The following FRMD4B variants were observed in gnomAD, a reference collection of about 807,000 sequenced individuals.
FRMD4B encodes the protein FERM domain containing 4B.
FRMD4B carries 74 observed loss-of-function variants against 141.5 expected under a neutral mutation model. The ratio of observed to expected loss-of-function variants is 0.52; its 90% CI spans 0.43 to 0.63. The LOEUF (loss-of-function observed/expected upper bound fraction) is 0.63. Ranked by LOEUF, FRMD4B falls within the 30% of genes least tolerant of loss-of-function variation. FRMD4B has a pLI of 0.00. For missense variants in FRMD4B, 1,366 were observed against 1,253.4 expected, an observed-to-expected ratio of 1.09 and a Z score of -1.36; for synonymous variants, 506 against 467.9, an observed-to-expected ratio of 1.08 and a Z score of -1.05.
At chr3:69,388,100 C>T (rs188218281), upstream of FRMD4B, among the ~76,000 whole-genome samples, 459 of 151,008 alleles carry the variant, frequency 3.0e-3, 4 homozygotes, top group Middle Eastern at 6.8e-3. Context: ...TTTTTTTAAA[C>T]GATGCAGTTC....
At chr3:69,487,407 T>C (rs769341072) in intron 1 of FRMD4B, among the ~76,000 whole-genome samples, 2 of 152,204 alleles carry the variant, frequency 1.3e-5, no homozygotes, top group African/African-American at 2.4e-5. Context: ...TTTTATTTCA[T>C]AGGCAAGGAA....
At chr3:69,536,160 C>T (rs755446631) in intron 1 of FRMD4B, 11 of 527,616 alleles carry the variant, frequency 2.1e-5, no homozygotes, top group Non-Finnish European at 3.2e-5. Context: ...TGCACCTCTG[C>T]TGGCCTCTTC....
intron 5 of FRMD4B, among the ~76,000 whole-genome samples, chr3:69,283,300 C>T (rs1226270452): frequency 6.6e-6 from 1 of 151,908 alleles, no homozygotes; most frequent in Non-Finnish European, 1.5e-5. Context: ...CAGAGAATCG[C>T]TTGAGCCCAG....
chr3:69,223,944 A>G lies in FRMD4B; in HGVS notation c.665+663T>C, dbSNP rs73838303. On this transcript the variant is annotated intron_variant, in intron 8 of 22. Transcript: ENST00000398540. ...TTACTTTCACTATATATTTGGGAAT[A>G]TACTTCCAACTTCATACTAAATGTC... 1.9e-3 allele frequency among the ~76,000 whole-genome samples: 297 copies of G among 152,364 alleles called. 2 individuals are homozygous for G. The highest frequency in any genetic ancestry group is 6.8e-3 in the African/African-American group (284 of 41,594).
chr3:69,184,758 A>G (rs1313390359), intron 19 of FRMD4B, among the ~76,000 whole-genome samples: 1 of 152,248 alleles, frequency 6.6e-6, no homozygotes, highest in Admixed American at 6.5e-5. Flanking sequence ...ACTTTCTGCA[A>G]TGACAAAAAT....
At chr3:69,176,986 TTAA>T (rs1219955535) in intron 21 of FRMD4B, among the ~76,000 whole-genome samples, 2 of 152,126 alleles carry the variant, frequency 1.3e-5, no homozygotes, top group Non-Finnish European at 2.9e-5. Flanking sequence ...TAAATAACTA[TTAA>T]TATTATTATT....
chr3:69,189,349 T>G (rs1320532586), intron 18 of FRMD4B, among the ~76,000 whole-genome samples: 1 of 151,980 alleles, frequency 6.6e-6, no homozygotes, highest in Non-Finnish European at 1.5e-5. Flanking sequence ...AATGTCTAAC[T>G]GTGCCTTTCT....
At chr3:69,463,284 A>C (rs1248856963) in intron 1 of FRMD4B, among the ~76,000 whole-genome samples, 2 of 152,198 alleles carry the variant, frequency 1.3e-5, no homozygotes, top group Non-Finnish European at 2.9e-5. Flanking sequence ...CAATCGTAGA[A>C]TCTAACACAT....
intron 5 of FRMD4B, among the ~76,000 whole-genome samples, chr3:69,259,805 T>C (rs544324340): frequency 6.6e-6 from 1 of 152,306 alleles, no homozygotes; most frequent in Admixed American, 6.5e-5. Context: ...AAATCACTTT[T>C]TAAAATTTGT....
intron 4 of FRMD4B, among the ~76,000 whole-genome samples, chr3:69,299,326 G>A (rs561651798): frequency 6.6e-6 from 1 of 152,278 alleles, no homozygotes; most frequent in Non-Finnish European, 1.5e-5. Flanking sequence ...CTGTTTTACA[G>A]AAGGACACTC....
At chr3:69,465,092 A>G (rs1705761763) in intron 1 of FRMD4B, among the ~76,000 whole-genome samples, 1 of 152,110 alleles carries the variant, frequency 6.6e-6, no homozygotes, top group Non-Finnish European at 1.5e-5. Flanking sequence ...AGGCCAAGGC[A>G]GGCAGATCAT....
intron 11 of FRMD4B, among the ~76,000 whole-genome samples, chr3:69,212,580 C>T (rs1016903017): frequency 6.6e-6 from 1 of 151,980 alleles, no homozygotes; most frequent in Non-Finnish European, 1.5e-5. Flanking sequence ...GAAGTATTTG[C>T]CAATTTCTAT....
In FRMD4B at chr3:69,454,909, G is replaced by A. The variant is rs368483917; in HGVS notation, c.-128-22148C>T. Among the ~76,000 whole-genome samples, 5 of 152,378 alleles carry A rather than the reference G, an allele frequency of 3.3e-5. No individual in the cohort carries two copies. The East Asian group carries it at 9.6e-4, about 29-fold the overall frequency. Reference sequence around the variant, plus strand: ...GGACTCCTAAATCGGGTGGGGACTTGGAGAACTTTCATGTCTAGCCGGAGG... The same window carrying A: ...GGACTCCTAAATCGGGTGGGGACTTAGAGAACTTTCATGTCTAGCCGGAGG... On this transcript the variant is annotated intron_variant, in intron 1 of 5. Transcript: ENST00000459638.
intron 5 of FRMD4B, among the ~76,000 whole-genome samples, chr3:69,282,741 G>A (rs1007641995): frequency 1.3e-5 from 2 of 152,024 alleles, no homozygotes; most frequent in Admixed American, 6.5e-5. Context: ...AGGTTCAAGC[G>A]ATTCTCCTGC....
intron 1 of FRMD4B, among the ~76,000 whole-genome samples, chr3:69,488,631 G>A (rs1163109304): frequency 5.3e-5 from 8 of 151,958 alleles, no homozygotes; most frequent in Non-Finnish European, 2.9e-5. Flanking sequence ...GGCCTGGCAC[G>A]GTGGTTCACA....
chr3:69,430,071 CT>C (rs1260822689), intron 2 of FRMD4B, among the ~76,000 whole-genome samples: 4 of 152,014 alleles, frequency 2.6e-5, no homozygotes, highest in African/African-American at 9.7e-5. Flanking sequence ...CTGGATGACT[CT>C]TCTTATTGAT....
At chr3:69,475,532 G>A (rs1307292147) in intron 1 of FRMD4B, among the ~76,000 whole-genome samples, 2 of 152,064 alleles carry the variant, frequency 1.3e-5, no homozygotes, top group Non-Finnish European at 2.9e-5. Context: ...CAAACGACAT[G>A]AACTCATCAT....
At chr3:69,283,272 C>T (rs1280047989) in intron 5 of FRMD4B, among the ~76,000 whole-genome samples, 6 of 151,854 alleles carry the variant, frequency 4.0e-5, no homozygotes, top group African/African-American at 1.5e-4. Context: ...GTAATCTCAG[C>T]TACTCGGGAA....
chr3:69,405,608 C>T lies in FRMD4B; in HGVS notation c.-1+27026G>A, dbSNP rs553761107. Reference sequence around the variant, plus strand: ...AAGGATGTTGGGCAGCAGAAGCAGCCGATGTTCTCTACAAGGGCTCTTACC... The same window carrying T: ...AAGGATGTTGGGCAGCAGAAGCAGCTGATGTTCTCTACAAGGGCTCTTACC... On this transcript the variant is annotated intron_variant, in intron 2 of 5. Coordinates refer to the FRMD4B transcript ENST00000459638. 2.6e-5 allele frequency among the ~76,000 whole-genome samples: 4 copies of T among 152,274 alleles called. No homozygotes were observed. The South Asian group carries it at 8.3e-4, about 32-fold the overall frequency.
Sources: allele counts gnomAD v4.1 joint callset (sites outside exome capture counted in the v4.1 genomes callset), GRCh38; gene constraint gnomAD v4.1.1; transcripts MANE v1.5; gene names NCBI Gene and HGNC (gene_info 2026-07-23, HGNC 2026-07-21).